SPOCK3: variants seen among roughly 807,000 people sequenced by gnomAD.
SPOCK3 encodes the protein testican-3.
A neutral mutation model predicts 56.6 loss-of-function variants in SPOCK3; 30 were observed. That is an observed-to-expected ratio of 0.53 (90% CI 0.40 to 0.72). SPOCK3 has a LOEUF of 0.72. Ranked by LOEUF, SPOCK3 falls within the 30% of genes least tolerant of loss-of-function variation. SPOCK3 has a pLI of 0.00. For missense variants in SPOCK3, 527 were observed against 530.0 expected (o/e 0.99, Z 0.06); for synonymous variants, 196 against 183.3 (o/e 1.07, Z -0.56).
At chr4:166,938,376 T>C (rs1022865456) in intron 4 of SPOCK3, among the ~76,000 whole-genome samples, 1 of 152,158 alleles carries the variant, frequency 6.6e-6, no homozygotes, top group African/African-American at 2.4e-5. Flanking sequence ...TAAAATTATA[T>C]TTCTAGAAAA....
intron 7 of SPOCK3, among the ~76,000 whole-genome samples, chr4:166,780,406 G>T (rs1021638569): frequency 6.6e-6 from 1 of 152,098 alleles, no homozygotes; most frequent in African/African-American, 2.4e-5. Context: ...CTCAGTGTGT[G>T]CTCTCAAAGA....
intron 7 of SPOCK3, among the ~76,000 whole-genome samples, chr4:166,769,060 A>G (rs1170104537): frequency 1.3e-5 from 2 of 152,116 alleles, no homozygotes; most frequent in Admixed American, 6.6e-5. Flanking sequence ...GGACTTCTCT[A>G]CAGTGGTTAT....
At position 166,737,504 on chromosome 4, in the gene SPOCK3, T is replaced by C. The variant is rs1306357238; in HGVS notation, c.1095A>G (p.Glu365=). The part of the protein sequence containing the change: ...QCWCVDRYGN[E]VMGSRINGVA... ...CACCATTTATTCTGGATCCCATGACTTCATTTCCATATCTGTCAACACACC... is the reference window on the plus strand; with the variant it reads ...CACCATTTATTCTGGATCCCATGACCTCATTTCCATATCTGTCAACACACC... The change falls in exon 10 of 11, where the codon GAA becomes GAG. Residue 365 remains glutamate (E), a synonymous_variant. Transcript: ENST00000357545. The C allele has an allele frequency of 1.9e-6, 3 of 1,613,302 alleles. No individual in the cohort carries two copies. The African/African-American group carries it at 4.0e-5, about 22-fold the overall frequency.
chr4:167,023,849 G>T (rs140132111), intron 3 of SPOCK3, among the ~76,000 whole-genome samples: 2 of 152,128 alleles, frequency 1.3e-5, no homozygotes. Context: ...TCCCCCTAAT[G>T]CAAAGCCAGA....
intron 2 of SPOCK3, among the ~76,000 whole-genome samples, chr4:167,165,408 GAC>G (rs1765673532): frequency 6.6e-6 from 1 of 152,036 alleles, no homozygotes; most frequent in African/African-American, 2.4e-5. Flanking sequence ...GATATAAACA[GAC>G]ACTTCTCAAA....
At chr4:166,945,845 T>G (rs74801480) in intron 4 of SPOCK3, among the ~76,000 whole-genome samples, 132 of 152,154 alleles carry the variant, frequency 8.7e-4, no homozygotes, top group Non-Finnish European at 1.5e-3. Context: ...TACATGGGAA[T>G]TGATACTTCG....
chr4:167,075,311 T>C (rs1561190471), intron 2 of SPOCK3, among the ~76,000 whole-genome samples: 1 of 151,946 alleles, frequency 6.6e-6, no homozygotes, highest in Non-Finnish European at 1.5e-5. Flanking sequence ...ATATAATTTT[T>C]CCGTCAAGTT....
At chr4:166,777,983 A>G (rs1428844472) in intron 7 of SPOCK3, among the ~76,000 whole-genome samples, 1 of 152,188 alleles carries the variant, frequency 6.6e-6, no homozygotes, top group Non-Finnish European at 1.5e-5. Context: ...GGTCCAGACC[A>G]CAGTGTGCTT....
intron 4 of SPOCK3, among the ~76,000 whole-genome samples, chr4:166,920,408 TTAAC>T (rs1488624821): frequency 3.1e-4 from 47 of 152,156 alleles, no homozygotes; most frequent in African/African-American, 1.1e-3. Flanking sequence ...AGTAAAAGGA[TTAAC>T]TAACTAAGGT....
intron 4 of SPOCK3, among the ~76,000 whole-genome samples, chr4:166,954,326 T>A (rs1470015182): frequency 1.3e-5 from 2 of 152,230 alleles, no homozygotes; most frequent in Non-Finnish European, 2.9e-5. Flanking sequence ...ATCTGTCTAT[T>A]CTTGCTTTGT....
intron 6 of SPOCK3, among the ~76,000 whole-genome samples, chr4:166,845,088 A>G (rs531918175): frequency 1.3e-5 from 2 of 152,382 alleles, no homozygotes; most frequent in African/African-American, 4.8e-5. Context: ...TAAAATAATT[A>G]TGTTAAACAA....
chr4:167,100,871 C>A (rs924170394), intron 2 of SPOCK3, among the ~76,000 whole-genome samples: 1 of 152,022 alleles, frequency 6.6e-6, no homozygotes, highest in Admixed American at 6.6e-5. Flanking sequence ...TTATACAAAT[C>A]TTTCTAGTTT....
Position 167,139,427 on chromosome 4 carries a change from G to A in SPOCK3, c.190-76890C>T, listed in dbSNP as rs185921680. 2.5e-3 allele frequency among the ~76,000 whole-genome samples: 387 copies of A among 152,000 alleles called. 3 individuals carry two copies. Among genetic ancestry groups the A allele is most frequent in the Non-Finnish European group, 1.4e-3 (98 of 67,944 alleles). ...AAATAATAATTCTGGTAGAAACCAT[G>A]GAAAGTAATTCTGGAAAAACCATAT... On this transcript the variant is annotated intron_variant, in intron 2 of 10. Transcript: ENST00000357545.
chr4:167,028,321 G>A (rs1019565243), intron 3 of SPOCK3, among the ~76,000 whole-genome samples: 2 of 151,676 alleles, frequency 1.3e-5, no homozygotes, highest in African/African-American at 4.8e-5. Flanking sequence ...AGGCCGTAGT[G>A]AGCTATGATC....
chr4:166,967,009 G>T (rs754880262), intron 4 of SPOCK3, among the ~76,000 whole-genome samples: 6 of 152,058 alleles, frequency 3.9e-5, no homozygotes, highest in Non-Finnish European at 7.4e-5. Flanking sequence ...TGAATTCACA[G>T]CTCCCTAGGA....
intron 2 of SPOCK3, among the ~76,000 whole-genome samples, chr4:167,111,979 T>G (rs139574488): frequency 8.9e-4 from 135 of 152,122 alleles, no homozygotes; most frequent in African/African-American, 3.0e-3. Flanking sequence ...AGGCTGGTCT[T>G]GAACTCCTGG....
In SPOCK3 at chr4:167,088,104, G is replaced by A. The variant is rs151131434; in HGVS notation, c.190-25567C>T. ...AGATGGCTCTTTTCTTAATTTTTCC[G>A]CAGGATGATATATAACAAGTACTAT... On this transcript the variant is annotated intron_variant, in intron 2 of 10. Coordinates refer to ENST00000357545, the MANE Select transcript of SPOCK3 (RefSeq NM_001040159.2). Among the ~76,000 whole-genome samples, 1,100 of 151,854 alleles carry A rather than the reference G, an allele frequency of 7.2e-3. 20 individuals are homozygous for A. The highest frequency in any genetic ancestry group is 0.025 in the African/African-American group (1,033 of 41,414).
chr4:167,059,240 G>A (rs959166059), intron 3 of SPOCK3, among the ~76,000 whole-genome samples: 10 of 152,064 alleles, frequency 6.6e-5, no homozygotes, highest in South Asian at 2.1e-4. Context: ...GAAAATTTTC[G>A]CAACCTGCTC....
intron 2 of SPOCK3, among the ~76,000 whole-genome samples, chr4:167,229,058 AG>A (rs1736874578): frequency 2.6e-5 from 4 of 152,192 alleles, no homozygotes; most frequent in Non-Finnish European, 5.9e-5. Context: ...TCTCAACTAC[AG>A]TGAAATATAG....
Sources: allele counts gnomAD v4.1 joint callset (sites outside exome capture counted in the v4.1 genomes callset), GRCh38; gene constraint gnomAD v4.1.1; transcripts MANE v1.5; gene names NCBI Gene and HGNC (gene_info 2026-07-23, HGNC 2026-07-21).